HDAC9: variants seen among roughly 807,000 people sequenced by gnomAD.
HDAC9 encodes the protein histone deacetylase 9.
HDAC9 carries 41 observed loss-of-function variants against 139.4 expected under a neutral mutation model. That is an observed-to-expected ratio of 0.29 (90% CI 0.23 to 0.38). The LOEUF (loss-of-function observed/expected upper bound fraction) is 0.38. Among genes scored for constraint, HDAC9 ranks in the 10% least tolerant of loss-of-function variants. The pLI, the probability that HDAC9 is intolerant of heterozygous loss-of-function variation, is 1.00. For synonymous variants in HDAC9, 517 were observed against 476.2 expected (o/e 1.09, Z -1.12); for missense variants, 1,147 against 1,297.0 (o/e 0.88, Z 1.78).
chr7:18,682,618 G>T (rs967032815), intron 12 of HDAC9, among the ~76,000 whole-genome samples: 18 of 151,950 alleles, frequency 1.2e-4, no homozygotes, highest in Middle Eastern at 3.4e-3. Context: ...TTTTATAAAG[G>T]TCTTTTTTTT....
At chr7:18,479,977 ACT>A (rs1188227986) in intron 1 of HDAC9, among the ~76,000 whole-genome samples, 16 of 116,790 alleles carry the variant, frequency 1.4e-4, no homozygotes, top group East Asian at 9.6e-4. Flanking sequence ...TATAAATTCC[ACT>A]CTGTCTTTTT....
At chr7:18,134,849 TG>T (rs797015185) in intron 1 of HDAC9, among the ~76,000 whole-genome samples, 31 of 152,288 alleles carry the variant, frequency 2.0e-4, no homozygotes, top group African/African-American at 7.0e-4. Flanking sequence ...TATGCAAAAT[TG>T]TTTTCAAAGT....
At chr7:18,276,395 A>G (rs1584963829) in intron 2 of HDAC9, among the ~76,000 whole-genome samples, 1 of 152,078 alleles carries the variant, frequency 6.6e-6, no homozygotes, top group Admixed American at 6.6e-5. Context: ...AAAACCTCCT[A>G]TTTTCTACAA....
chr7:18,915,932 T>C (rs529256990), intron 22 of HDAC9, among the ~76,000 whole-genome samples: 28 of 150,924 alleles, frequency 1.9e-4, no homozygotes, highest in African/African-American at 6.8e-4. Flanking sequence ...AGAGGGAATT[T>C]CAGGAAACGA....
At chr7:18,864,327 A>G (rs1009762185) in intron 21 of HDAC9, among the ~76,000 whole-genome samples, 14 of 152,206 alleles carry the variant, frequency 9.2e-5, no homozygotes, top group Non-Finnish European at 1.8e-4. Context: ...TAAAATAGTC[A>G]AACTCATAGA....
intron 21 of HDAC9, among the ~76,000 whole-genome samples, chr7:18,843,338 A>T (rs1796707173): frequency 6.6e-6 from 1 of 152,098 alleles, no homozygotes; most frequent in African/African-American, 2.4e-5. Flanking sequence ...ATGAAATATT[A>T]TTGTGGAGCA....
intron 22 of HDAC9, among the ~76,000 whole-genome samples, chr7:18,911,310 G>GTTGTA (rs1276972338): frequency 3.3e-5 from 5 of 151,740 alleles, no homozygotes; most frequent in African/African-American, 1.2e-4. Context: ...TTGTTGTATA[G>GTTGTA]TTGTATAGTT....
chr7:18,381,218 AAAGG>A (rs1785413582), intron 1 of HDAC9, among the ~76,000 whole-genome samples: 1 of 149,888 alleles, frequency 6.7e-6, no homozygotes, highest in African/African-American at 2.4e-5. Flanking sequence ...AAAAAAAAAA[AAAGG>A]AAAAGAAAAA....
rs1258026147 is a variant in HDAC9, at chr7:18,312,281, TTC to T, written c.-42+21774_-42+21775del. On this transcript the variant is annotated intron_variant, in intron 1 of 3. Transcript: ENST00000413509. ...CATCTTTTCCTTGGTTGTCTCTCTTTTCTCTCTCTTTCCTAGAAACAATCACT... is the reference window on the plus strand; with the variant it reads ...CATCTTTTCCTTGGTTGTCTCTCTTTTCTCTCTTTCCTAGAAACAATCACT... Among the ~76,000 whole-genome samples the T allele has an allele frequency of 5.3e-5, 8 of 152,298 alleles. No homozygotes were observed. In the East Asian group the frequency reaches 1.5e-3, roughly 29 times the overall value.
At chr7:18,898,375 T>A (rs1801402975) in intron 22 of HDAC9, among the ~76,000 whole-genome samples, 1 of 151,850 alleles carries the variant, frequency 6.6e-6, no homozygotes, top group Admixed American at 6.6e-5. Context: ...ATGGAACAAA[T>A]AGCTAAAAAT....
At chr7:18,509,471 C>T in intron 2 of HDAC9, 1 of 983,716 alleles carries the variant, frequency 1.0e-6, no homozygotes, top group Non-Finnish European at 1.2e-6. Flanking sequence ...GTTTTTTCCC[C>T]CGAGTGATTA....
At chr7:18,657,333 G>A (rs186654538) in intron 11 of HDAC9, among the ~76,000 whole-genome samples, 2 of 152,230 alleles carry the variant, frequency 1.3e-5, no homozygotes, top group African/African-American at 4.8e-5. Flanking sequence ...GGGGGAAATG[G>A]CGATGTTTAT....
At chr7:18,135,070 T>A (rs879540105) in intron 1 of HDAC9, among the ~76,000 whole-genome samples, 1 of 152,132 alleles carries the variant, frequency 6.6e-6, no homozygotes, top group African/African-American at 2.4e-5. Context: ...AATGAGTTCA[T>A]CATATGTGAC....
chr7:18,863,430 A>T (rs563581177), intron 21 of HDAC9, among the ~76,000 whole-genome samples: 1 of 152,092 alleles, frequency 6.6e-6, no homozygotes, highest in Non-Finnish European at 1.5e-5. Flanking sequence ...CTTAAAACAT[A>T]ATGTTTTTGT....
At chr7:18,395,107 C>A (rs1786897142) in intron 1 of HDAC9, 1 of 151,898 alleles carries the variant, frequency 6.6e-6, no homozygotes, top group Admixed American at 6.6e-5. Flanking sequence ...GACTTTCTAC[C>A]AAAATAGGAG....
At chr7:18,261,833 G>A (rs1015948275) in intron 2 of HDAC9, among the ~76,000 whole-genome samples, 3 of 152,172 alleles carry the variant, frequency 2.0e-5, no homozygotes, top group Admixed American at 6.5e-5. Context: ...TAAAGATTTC[G>A]TGTGTGCATT....
chr7:18,824,857 A>G (rs1446750452), intron 17 of HDAC9, among the ~76,000 whole-genome samples: 1 of 152,222 alleles, frequency 6.6e-6, no homozygotes, highest in African/African-American at 2.4e-5. Flanking sequence ...AGGAATTCAA[A>G]AGGCAGCATA....
At chr7:18,097,646 C>A (rs919242219) in intron 1 of HDAC9, among the ~76,000 whole-genome samples, 14 of 152,096 alleles carry the variant, frequency 9.2e-5, no homozygotes, top group Non-Finnish European at 1.6e-4. Context: ...TAGCTCACTG[C>A]AGCCTTGAAC....
intron 2 of HDAC9, among the ~76,000 whole-genome samples, chr7:18,532,779 C>G (rs900986082): frequency 5.3e-5 from 8 of 151,358 alleles, no homozygotes; most frequent in Non-Finnish European, 8.8e-5. Context: ...CTCCTTTTCA[C>G]TCCACAGCAG....
Sources: allele counts gnomAD v4.1 joint callset (sites outside exome capture counted in the v4.1 genomes callset), GRCh38; gene constraint gnomAD v4.1.1; transcripts MANE v1.5; gene names NCBI Gene and HGNC (gene_info 2026-07-23, HGNC 2026-07-21).